The following PATL2 variants were observed in gnomAD, a reference collection of about 807,000 sequenced individuals.
PATL2 encodes the protein PAT1 homolog 2, also known as protein PAT1 homolog 2.
Under a neutral mutation model 77.0 loss-of-function variants are expected in PATL2, and 73 were observed. The ratio of observed to expected loss-of-function variants is 0.95; its 90% CI spans 0.78 to 1.15. The LOEUF (loss-of-function observed/expected upper bound fraction) is 1.15, where lower values mean the gene tolerates loss of function less well. PATL2 is among the 50% of genes most tolerant of loss of function. The pLI, the probability that PATL2 is intolerant of heterozygous loss-of-function variation, is 0.00. For missense variants in PATL2, 618 were observed against 655.4 expected, an observed-to-expected ratio of 0.94 and a Z score of 0.62; for synonymous variants, 265 against 257.1, an observed-to-expected ratio of 1.03 and a Z score of -0.29.
intron 3 of PATL2, among the ~76,000 whole-genome samples, chr15:44,691,193 A>C (rs1419488324): frequency 6.6e-6 from 1 of 152,188 alleles, no homozygotes; most frequent in Non-Finnish European, 1.5e-5. Flanking sequence ...TTTACATTAC[A>C]GGAAAGGTGC....
chr15:44,673,143 C>A, intron 7 of PATL2, 92 bp downstream of exon 7: 1 of 1,421,562 alleles, frequency 7.0e-7, no homozygotes, highest in South Asian at 1.4e-5. Flanking sequence ...TACTAGTTTT[C>A]TGTGTTTCCC....
chr15:44,674,052 A>C (rs1163325603), intron 6 of PATL2, 98 bp downstream of exon 6: 1 of 1,161,336 alleles, frequency 8.6e-7, no homozygotes, highest in African/African-American at 1.6e-5. Flanking sequence ...CCCATACCTC[A>C]CTTTGGGTGC....
intron 3 of PATL2, among the ~76,000 whole-genome samples, chr15:44,709,299 T>G (rs537345952): frequency 6.6e-6 from 1 of 152,186 alleles, no homozygotes. Context: ...AAATGTTCAT[T>G]GTAAAAAAAT....
intron 3 of PATL2, among the ~76,000 whole-genome samples, chr15:44,685,912 T>A (rs1014158824): frequency 6.6e-6 from 1 of 152,200 alleles, no homozygotes; most frequent in Non-Finnish European, 1.5e-5. Flanking sequence ...ATAAAGCAAG[T>A]TCTTAGAGAC....
intron 3 of PATL2, among the ~76,000 whole-genome samples, chr15:44,682,427 CA>C (rs1352707418): frequency 6.6e-6 from 1 of 152,172 alleles, no homozygotes; most frequent in Non-Finnish European, 1.5e-5. Flanking sequence ...CACTTGCAAG[CA>C]GAGATGTTCC....
chr15:44,691,192 C>T (rs1255160573), intron 3 of PATL2, among the ~76,000 whole-genome samples: 1 of 152,010 alleles, frequency 6.6e-6, no homozygotes, highest in Non-Finnish European at 1.5e-5. Context: ...ATTTACATTA[C>T]AGGAAAGGTG....
chr15:44,667,424 A>G (rs1013393805), intron 15 of PATL2: 16 of 531,562 alleles, frequency 3.0e-5, no homozygotes, highest in African/African-American at 2.7e-4. Flanking sequence ...ACACTCTTGG[A>G]GAGCTGATTA....
rs1479325636 is a variant in PATL2, at chr15:44,674,207, T to G, written c.246A>C (p.Gly82=). ...TTCCCAGCATACCAGGGGCCTTGAC[T>G]CCAGGGGAGCTAAGCAGAGCTCTCT... ...NTQRALLSSP[G]VKAPGMLGMS... Residue 82 remains glycine, a synonymous_variant, in exon 6 of 18, where the codon GGA becomes GGC. Coordinates refer to ENST00000682850, the MANE Select transcript of PATL2 (RefSeq NM_001387263.1). 1.3e-6 allele frequency: 2 copies of G among 1,550,226 alleles called. No homozygotes were observed. Among genetic ancestry groups the G allele is most frequent in the African/African-American group, 2.7e-5 (2 of 72,998 alleles).
chr15:44,687,444 A>T (rs957258237), intron 3 of PATL2, among the ~76,000 whole-genome samples: 1 of 152,260 alleles, frequency 6.6e-6, no homozygotes, highest in Non-Finnish European at 1.5e-5. Context: ...ACACACAGCC[A>T]ATATCATACT....
At chr15:44,672,564 C>T (rs2085743561) in intron 7 of PATL2, 108 bp from the exon 8 acceptor site, 1 of 1,128,864 alleles carries the variant, frequency 8.9e-7, no homozygotes, top group South Asian at 1.5e-5. Flanking sequence ...GGAACCTTAT[C>T]TGTTTAGGTA....
chr15:44,681,502 C>A (rs1429818756), intron 3 of PATL2, among the ~76,000 whole-genome samples: 1 of 152,142 alleles, frequency 6.6e-6, no homozygotes, highest in East Asian at 1.9e-4. Context: ...TTTTCCTGCT[C>A]CCCTCATCTT....
chr15:44,673,454 T>TC (rs2085794189), intron 6 of PATL2, 77 bp from the exon 7 acceptor site: 1 of 1,506,760 alleles, frequency 6.6e-7, no homozygotes, highest in Admixed American at 2.0e-5. Context: ...AGGGCTCAGT[T>TC]CCTTTCCTAC....
chr15:44,669,173 C>T (rs1156321235), intron 13 of PATL2, 34 bp from the exon 14 acceptor site: 2 of 1,522,700 alleles, frequency 1.3e-6, no homozygotes, highest in Non-Finnish European at 1.8e-6. Flanking sequence ...TTTCAGAGCT[C>T]TGCATAGAGG....
At position 44,676,469 on chromosome 15, in the gene PATL2, T is replaced by G. The variant is rs2085960368; in HGVS notation, c.16+6A>C. 7.1e-6 allele frequency: 11 copies of G among 1,549,960 alleles called. No homozygotes were observed. The highest frequency in any genetic ancestry group is 9.6e-6 in the Non-Finnish European group (11 of 1,145,428). On this transcript the variant is annotated splice_donor_region_variant and intron_variant, in intron 4 of 17. Transcript: ENST00000682850. ...TTATATAACATCACGGCCCACTTGT[T>G]GATACCTTCAAGGCAATTCATCTTG...
At chr15:44,677,213 G>A (rs1242001556) in intron 3 of PATL2, among the ~76,000 whole-genome samples, 1 of 152,132 alleles carries the variant, frequency 6.6e-6, no homozygotes, top group East Asian at 1.9e-4. Flanking sequence ...CCTAGGTTTT[G>A]CTTCAACAAA....
At position 44,684,569 on chromosome 15, in the gene PATL2, A is replaced by C. The variant is rs147468901; in HGVS notation, c.-75-8004T>G. On this transcript the variant is annotated intron_variant, in intron 3 of 17. Transcript: ENST00000682850. ...AAAAAAAAAATGAAAAGTAATGAAC[A>C]AAGCCTCTGAGAAATATGGCACTAT... Among the ~76,000 whole-genome samples the C allele has an allele frequency of 5.1e-3, 780 of 152,244 alleles. 7 individuals carry two copies. Among genetic ancestry groups the C allele is most frequent in the African/African-American group, 0.018 (756 of 41,546 alleles).
chr15:44,700,468 A>AT (rs2141262568), intron 3 of PATL2, among the ~76,000 whole-genome samples: 1 of 151,874 alleles, frequency 6.6e-6, no homozygotes, highest in Admixed American at 6.6e-5. Context: ...CACCTCGCTA[A>AT]TTTTTGTATT....
intron 14 of PATL2, among the ~76,000 whole-genome samples, chr15:44,668,705 T>C (rs2085507865): frequency 6.6e-6 from 1 of 152,184 alleles, no homozygotes; most frequent in Non-Finnish European, 1.5e-5. Context: ...GGGCTCAACA[T>C]TTATCAGGGC....
chr15:44,677,375 T>G (rs2086006344), intron 3 of PATL2, among the ~76,000 whole-genome samples: 1 of 152,204 alleles, frequency 6.6e-6, no homozygotes, highest in Non-Finnish European at 1.5e-5. Context: ...TACTCAGCTC[T>G]GACTGATGAG....
Sources: gnomAD v4.1 joint callset for allele counts (sites outside exome capture counted in the v4.1 genomes callset) on GRCh38, gnomAD v4.1.1 for gene constraint, MANE v1.5 for transcripts, NCBI Gene and HGNC (gene_info 2026-07-23, HGNC 2026-07-21) for gene names.